Variants in PLXNB3 observed in about 807,000 individuals in gnomAD.
The protein encoded by PLXNB3 is plexin B3.
Under a neutral mutation model 125.7 loss-of-function variants are expected in PLXNB3, and 80 were observed. The observed-to-expected ratio is 0.64, with a 90% CI of 0.53 to 0.77. The LOEUF (loss-of-function observed/expected upper bound fraction) is 0.77. PLXNB3 is among the 30% of genes least tolerant of loss of function. The probability of loss-of-function intolerance (pLI) is 0.00; values close to 1 mark genes in which losing one functional copy is unlikely to be tolerated. For synonymous variants in PLXNB3, 954 were observed against 783.3 expected, an observed-to-expected ratio of 1.22 and a Z score of -3.64; for missense variants, 1,836 against 1,729.3, an observed-to-expected ratio of 1.06 and a Z score of -1.09.
Position 153,765,515 on chromosome X carries a change from T to C in PLXNB3, c.-21T>C. 2 of 1,186,440 alleles carry C rather than the reference T, an allele frequency of 1.7e-6. No homozygotes were observed. The highest frequency in any genetic ancestry group is 3.5e-5 in the African/African-American group (2 of 57,069). On this transcript the variant is annotated 5_prime_UTR_variant, in exon 2 of 36. Transcript: ENST00000361971. ...CATCTCATGCCCATCGCCACTGCCC[T>C]GGGGCAGCTGAACTGAGCGTATGTG...
Position 153,774,232 on chromosome X carries a change from A to G in PLXNB3, c.3566A>G (p.His1189Arg). ...ATCAGCAAGGAGGAGGTGCGCGTGC[A>G]CATCGGCCGCGGCGAGTGCCTGGTG... Reference protein sequence around the residue: ...LGISKEEVRVHIGRGECLVKT... With the variant: ...LGISKEEVRVRIGRGECLVKT... Residue 1189 changes from histidine to arginine, a missense_variant, in exon 21 of 36, where the codon CAC becomes CGC. Coordinates refer to ENST00000361971, the MANE Select transcript of PLXNB3 (RefSeq NM_005393.3). 8.3e-7 allele frequency: 1 copy of G among 1,199,584 alleles called. No individual in the cohort carries two copies. The highest frequency in any genetic ancestry group is 1.1e-6 in the Non-Finnish European group (1 of 893,376).
intron 7 of PLXNB3, 44 bp from the exon 8 acceptor site, chrX:153,770,048 C>A (rs782170458): frequency 8.3e-7 from 1 of 1,201,880 alleles, no homozygotes; most frequent in East Asian, 3.0e-5. Flanking sequence ...CTGCTGCCCC[C>A]TCTCTCTGGC....
In PLXNB3 at chrX:153,777,526, A is replaced by G. The variant is rs781942080; in HGVS notation, c.5101-2A>G. On this transcript the variant is annotated splice_acceptor_variant, in intron 30 of 35. Transcript: ENST00000361971. LOFTEE classifies it high-confidence loss of function. ...ACACAGCCCTTATCCCCTGCCTCGC[A>G]GGGCACGCTGCAGAAGTTTGTGGAC... is the stretch of plus-strand genomic sequence containing the variant. 1 of 1,211,147 alleles carries G rather than the reference A, an allele frequency of 8.3e-7. No homozygotes were observed. The highest frequency in any genetic ancestry group is 1.8e-5 in the South Asian group (1 of 56,978).
Position 153,776,466 on chromosome X carries a change from G to A in PLXNB3, c.4833+7G>A. On this transcript the variant is annotated splice_region_variant and intron_variant, in intron 28 of 35. Coordinates refer to ENST00000361971, the MANE Select transcript of PLXNB3 (RefSeq NM_005393.3). ...CACCTTGCAACACTACAAGGTGTGA[G>A]CAGGGACGGGGCGAGGCAGGGCGGG... is the stretch of plus-strand genomic sequence containing the variant. 4 of 930,350 alleles carry A rather than the reference G, an allele frequency of 4.3e-6. No individual in the cohort carries two copies. Among genetic ancestry groups the A allele is most frequent in the Non-Finnish European group, 6.0e-6 (4 of 667,172 alleles). The allele number at this position is 930,350 out of a possible 1,213,427, so 76.7% of individuals were successfully genotyped here. A position where few individuals can be genotyped will look rare whatever the true frequency, so the allele number is the denominator to read the frequency against.
intron 1 of PLXNB3, 46 bp from the exon 2 acceptor site, chrX:153,765,425 G>A (rs2091846586): frequency 9.8e-7 from 1 of 1,024,114 alleles, no homozygotes; most frequent in Non-Finnish European, 1.3e-6. Context: ...CCTTCCCCAG[G>A]CCAGCTCGAA....
Position 153,767,871 on chromosome X carries a change from C to T in PLXNB3, c.1044C>T (p.Thr348=), listed in dbSNP as rs782270036. The T allele has an allele frequency of 4.3e-5, 48 of 1,116,918 alleles. No homozygotes were observed. The highest frequency in any genetic ancestry group is 5.4e-5 in the Non-Finnish European group (46 of 850,732). 92.0% of individuals were successfully genotyped at this position (1,116,918 alleles called of 1,213,427 possible). A position where few individuals can be genotyped will look rare whatever the true frequency, so the allele number is the denominator to read the frequency against. The stretch of plus-strand genomic sequence containing the variant: ...GCCCCAGCGGCGCAGAGGAAGCCAC[C>T]GTGGAGTACGGCGTCACGTCGCGCT... ...GRGPSGAEEA[T]VEYGVTSRCV... Residue 348 remains threonine (T), a synonymous_variant, in exon 3 of 36, where the codon ACC becomes ACT. Transcript: ENST00000361971.
In PLXNB3 at chrX:153,767,579, G is replaced by A. The variant is rs781887159; in HGVS notation, c.752G>A (p.Arg251His). The A allele has an allele frequency of 1.7e-6, 2 of 1,172,935 alleles. No individual in the cohort carries two copies. Among genetic ancestry groups the A allele is most frequent in the East Asian group, 6.1e-5 (2 of 32,754 alleles). The change falls in exon 3 of 36, where the codon CGC (arginine) becomes CAC (histidine). Residue 251 changes from arginine to histidine, a missense_variant. Physicochemically the swap from Arg to His is conservative, Grantham distance 29. Coordinates refer to ENST00000361971, the MANE Select transcript of PLXNB3 (RefSeq NM_005393.3). ...TCCGCCTACTTCGTGTTCCGCCGCC[G>A]CGGGGCCCGGGCCCAGGCTGAGTAC... ...ARSAYFVFRR[R>H]GARAQAEYRS...
At chrX:153,772,620 G>C (rs1460060898) in intron 16 of PLXNB3, 5 of 860,604 alleles carry the variant, frequency 5.8e-6, no homozygotes, top group Non-Finnish European at 7.5e-6. Flanking sequence ...TGTAAGCTGT[G>C]GTGGGGAGGA....
In PLXNB3 at chrX:153,773,568, G is replaced by C; in HGVS notation, c.3134G>C (p.Arg1045Pro). 8.3e-7 allele frequency: 1 copy of C among 1,205,239 alleles called. No homozygotes were observed. The highest frequency in any genetic ancestry group is 1.1e-6 in the Non-Finnish European group (1 of 892,535). ...GGCACCGGCCTAGACGTGGTGCAGCGGCCCCTACTGTCTGTGTGGCTGGAG... is the reference window on the plus strand; with the variant it reads ...GGCACCGGCCTAGACGTGGTGCAGCCGCCCCTACTGTCTGTGTGGCTGGAG... Reference protein sequence around the residue: ...VRGTGLDVVQRPLLSVWLEAD... With the variant: ...VRGTGLDVVQPPLLSVWLEAD... The change falls in exon 19 of 36, where the codon CGG becomes CCG. Residue 1045 changes from arginine to proline, a missense_variant. Physicochemically the swap from Arg to Pro is moderately radical, Grantham distance 103. Transcript: ENST00000361971.
chrX:153,776,429 G>T lies in PLXNB3; in HGVS notation c.4803G>T (p.Trp1601Cys). Residue 1601 changes from tryptophan (W) to cysteine (C), a missense_variant, in exon 28 of 36, where the codon TGG (tryptophan) becomes TGT (cysteine). Coordinates refer to ENST00000361971, the MANE Select transcript of PLXNB3 (RefSeq NM_005393.3). Reference protein sequence around the residue: ...EDLTSVTQNHWKRLNTLQHYK... With the variant: ...EDLTSVTQNHCKRLNTLQHYK... ...TGACCTCCGTGACCCAAAACCACTG[G>T]AAGAGACTCAACACCTTGCAACACT... 8.6e-7 allele frequency: 1 copy of T among 1,162,413 alleles called. No homozygotes were observed. Among genetic ancestry groups the T allele is most frequent in the Admixed American group, 2.3e-5 (1 of 43,415 alleles).
In PLXNB3 at chrX:153,771,567, G is replaced by A; in HGVS notation, c.2429G>A (p.Cys810Tyr). The A allele has an allele frequency of 8.3e-7, 1 of 1,209,119 alleles. No homozygotes were observed. Among genetic ancestry groups the A allele is most frequent in the Non-Finnish European group, 1.1e-6 (1 of 894,639 alleles). ...AACAGGAGCCTGGGCTGCCTGTGGT[G>A]TGCTGACGGCCAGCCTGCCTGTCGC... ...AANRSLGCLW[C>Y]ADGQPACRYG... is the part of the protein sequence containing the mutation. The change falls in exon 14 of 36, where the codon TGT becomes TAT. Residue 810 changes from cysteine to tyrosine, a missense_variant. By Grantham distance (194) the Cys-to-Tyr change is radical. Transcript: ENST00000361971.
In PLXNB3 at chrX:153,767,045, G is replaced by A. The variant is rs782498132; in HGVS notation, c.218G>A (p.Arg73His). ...ACACTCTATGTCGGCGCAGTGAACCGCCTCTTCCAGCTCAGCCCCGAGCTG... is the reference window on the plus strand; with the variant it reads ...ACACTCTATGTCGGCGCAGTGAACCACCTCTTCCAGCTCAGCCCCGAGCTG... Reference protein sequence around the residue: ...RGTLYVGAVNRLFQLSPELQL... With the variant: ...RGTLYVGAVNHLFQLSPELQL... Residue 73 changes from arginine to histidine, a missense_variant, in exon 3 of 36, where the codon CGC (arginine) becomes CAC (histidine). Physicochemically the swap from Arg to His is conservative, Grantham distance 29. Coordinates refer to ENST00000361971, the MANE Select transcript of PLXNB3 (RefSeq NM_005393.3). The A allele has an allele frequency of 1.7e-6, 2 of 1,209,524 alleles. No homozygotes were observed. Among genetic ancestry groups the A allele is most frequent in the African/African-American group, 3.5e-5 (2 of 57,469 alleles).
At chrX:153,773,120 C>CAAG in intron 17 of PLXNB3, 104 bp downstream of exon 17, 1 of 1,081,427 alleles carries the variant, frequency 9.2e-7, no homozygotes, top group East Asian at 3.1e-5. Flanking sequence ...CCAGTGGTCC[C>CAAG]TGCCCTTGTC....
At position 153,769,052 on chromosome X, in the gene PLXNB3, C is replaced by T. The variant is rs782248987; in HGVS notation, c.1371C>T (p.His457=). The T allele has an allele frequency of 3.9e-5, 47 of 1,209,142 alleles. No individual in the cohort carries two copies. The highest frequency in any genetic ancestry group is 5.0e-5 in the Non-Finnish European group (45 of 894,094). ...TGCTGCTGGACAGCAGTGGCAGTCA[C>T]CTCTATGTCCTGACTGCCCACCAGG... is the stretch of plus-strand genomic sequence containing the variant. ...PDLLLDSSGS[H]LYVLTAHQVD... is the part of the protein sequence containing the mutation. Residue 457 remains histidine (H), a synonymous_variant, in exon 5 of 36, where the codon CAC becomes CAT. Transcript: ENST00000361971.
In PLXNB3 at chrX:153,770,816, C is replaced by T. The variant is rs1025679740; in HGVS notation, c.2069C>T (p.Pro690Leu). 2 of 1,209,032 alleles carry T rather than the reference C, an allele frequency of 1.7e-6. No homozygotes were observed. The highest frequency in any genetic ancestry group is 2.2e-6 in the Non-Finnish European group (2 of 893,610). The change falls in exon 11 of 36, where the codon CCC becomes CTC. Residue 690 changes from proline to leucine, a missense_variant. Pro to Leu is a moderately conservative substitution (Grantham distance 98, BLOSUM62 -3). Transcript: ENST00000361971. ...ACPQVEGLAG[P>L]HLVPVGWESH... The stretch of plus-strand genomic sequence containing the variant: ...CCACAGGTCGAAGGCCTGGCAGGTC[C>T]CCACCTGGTGCCTGTGGGCTGGGAG...
rs782320094 is a variant in PLXNB3 at position 153,771,981 on chromosome X, A to G, written c.2635A>G (p.Asn879Asp). ...YAVSVASRPC[N>D]PEPSLYRTSA... ...CGTGAGCGTGGCCAGCCGGCCCTGC[A>G]ACCCTGAGCCCTCTCTCTACCGCAC... Residue 879 changes from asparagine to aspartate, a missense_variant, in exon 15 of 36, where the codon AAC (asparagine) becomes GAC (aspartate). Transcript: ENST00000361971. 5.8e-6 allele frequency: 7 copies of G among 1,205,499 alleles called. No individual in the cohort carries two copies. In the South Asian group the frequency reaches 1.2e-4, roughly 21 times the overall value.
rs782399961 is a variant in PLXNB3 at position 153,774,560 on chromosome X, C to T, written c.3819C>T (p.Thr1273=). 47 of 1,201,487 alleles carry T rather than the reference C, an allele frequency of 3.9e-5. No individual in the cohort carries two copies. The East Asian group carries it at 6.0e-4, about 15-fold the overall frequency. The change falls in exon 22 of 36, where the codon ACC becomes ACT. Residue 1273 remains threonine, a synonymous_variant. Coordinates refer to ENST00000361971, the MANE Select transcript of PLXNB3 (RefSeq NM_005393.3). ...TGATTGCCGCCGTGCTCCTCCTCAC[C>T]CTCATGTACAGGTGAGACCCGCCCA... ...AVLIAAVLLL[T]LMYRHKSKQA... is the part of the protein sequence containing the mutation.
At position 153,775,400 on chromosome X, in the gene PLXNB3, G is replaced by A. The variant is rs782352445; in HGVS notation, c.4331G>A (p.Arg1444His). ...CACAGGAACCCCAAGCTCATGCTAC[G>A]CAGGTTGGCCTTGACCTGGACCCGG... ...YVHRNPKLML[R>H]RTETMVEKLL... The change falls in exon 25 of 36, where the codon CGC becomes CAC. Residue 1444 changes from arginine to histidine, a missense_variant. Coordinates refer to ENST00000361971, the MANE Select transcript of PLXNB3 (RefSeq NM_005393.3). 6 of 1,204,073 alleles carry A rather than the reference G, an allele frequency of 5.0e-6. No homozygotes were observed. Among genetic ancestry groups the A allele is most frequent in the Admixed American group, 2.2e-5 (1 of 45,618 alleles).
intron 26 of PLXNB3, 35 bp from the exon 27 acceptor site, chrX:153,775,852 C>G (rs782742239): frequency 8.5e-7 from 1 of 1,180,836 alleles, no homozygotes; most frequent in Non-Finnish European, 1.1e-6. Flanking sequence ...AATCCTCCCT[C>G]GCTTGGCTGA....
Sources: allele counts gnomAD v4.1 joint callset, GRCh38; gene constraint gnomAD v4.1.1; transcripts MANE v1.5; gene names NCBI Gene and HGNC (gene_info 2026-07-23, HGNC 2026-07-21).